The following MGAT5 variants were observed in gnomAD, a reference collection of about 807,000 sequenced individuals.
MGAT5 encodes alpha-1,6-mannosylglycoprotein 6-beta-N-acetylglucosaminyltransferase A.
Under a neutral mutation model 94.3 loss-of-function variants are expected in MGAT5, and 30 were observed. The ratio of observed to expected loss-of-function variants is 0.32; its 90% CI spans 0.24 to 0.43. MGAT5 has a LOEUF of 0.43. MGAT5 is among the 20% of genes least tolerant of loss of function. The pLI is 1.00. For synonymous variants in MGAT5, 310 were observed against 322.9 expected (o/e 0.96, Z 0.43); for missense variants, 691 against 905.5 (o/e 0.76, Z 3.04).
rs117673556 is a variant in MGAT5, at chr2:134,374,679, G to A, written c.1380+12271G>A. ...GGCTGTGCAGCCCTCAGTACTGAAC[G>A]AGTCCATCTGCAGTCAACATAATCA... On this transcript the variant is annotated intron_variant, in intron 10 of 15. Transcript: ENST00000281923. Among the ~76,000 whole-genome samples the A allele has an allele frequency of 2.6e-4, 40 of 152,242 alleles. 1 individual carries two copies. In the East Asian group the frequency reaches 6.6e-3, roughly 25 times the overall value.
intron 1 of MGAT5, among the ~76,000 whole-genome samples, chr2:134,122,818 G>A (rs1375214278): frequency 6.6e-6 from 1 of 152,252 alleles, no homozygotes; most frequent in Non-Finnish European, 1.5e-5. Flanking sequence ...CCACCAGTTG[G>A]TTTTAAGGTG....
intron 1 of MGAT5, among the ~76,000 whole-genome samples, chr2:134,186,629 A>G (rs1689049249): frequency 6.6e-6 from 1 of 152,186 alleles, no homozygotes; most frequent in Non-Finnish European, 1.5e-5. Context: ...TGGGCTTAGC[A>G]GGTGACAGGA....
intron 1 of MGAT5, among the ~76,000 whole-genome samples, chr2:134,130,216 C>T (rs866128186): frequency 5.6e-4 from 74 of 131,738 alleles, no homozygotes; most frequent in South Asian, 4.8e-3. Context: ...CGCCCCACAC[C>T]GCCCCACACC....
At chr2:134,382,188 G>A (rs977793708) in intron 10 of MGAT5, among the ~76,000 whole-genome samples, 7 of 151,856 alleles carry the variant, frequency 4.6e-5, no homozygotes, top group African/African-American at 1.7e-4. Flanking sequence ...CCAGGAGTTT[G>A]AGGCTGTAGT....
chr2:134,334,678 A>G (rs1267882079), intron 4 of MGAT5, among the ~76,000 whole-genome samples: 1 of 151,952 alleles, frequency 6.6e-6, no homozygotes, highest in East Asian at 1.9e-4. Flanking sequence ...CAAGGTACAG[A>G]TGTGCATAAT....
At chr2:134,139,903 G>A (rs1209598472) in intron 1 of MGAT5, among the ~76,000 whole-genome samples, 2 of 152,226 alleles carry the variant, frequency 1.3e-5, no homozygotes, top group Non-Finnish European at 2.9e-5. Flanking sequence ...TTCGAGAACA[G>A]CTTTTAGTTG....
intron 10 of MGAT5, among the ~76,000 whole-genome samples, chr2:134,373,884 G>A (rs1391676844): frequency 6.6e-6 from 1 of 152,214 alleles, no homozygotes; most frequent in East Asian, 1.9e-4. Context: ...AAATCCCTGA[G>A]GTTGCTCCAG....
intron 4 of MGAT5, 112 bp from the exon 5 acceptor site, chr2:134,336,105 G>A (rs955719660): frequency 6.5e-6 from 5 of 770,700 alleles, no homozygotes; most frequent in Non-Finnish European, 1.0e-5. Flanking sequence ...AATAAAAATA[G>A]CACATATTAA....
At chr2:134,164,958 G>A (rs10167538) in intron 1 of MGAT5, among the ~76,000 whole-genome samples, 30,663 of 152,122 alleles carry the variant, frequency 0.2, 7,211 homozygotes, top group African/African-American at 0.57. Flanking sequence ...TAAGGAGGCT[G>A]TGTCCTCCAG....
intron 10 of MGAT5, among the ~76,000 whole-genome samples, chr2:134,393,400 C>G (rs930989330): frequency 6.6e-6 from 1 of 152,192 alleles, no homozygotes; most frequent in Non-Finnish European, 1.5e-5. Flanking sequence ...TTCTGTGAGA[C>G]TGCTGGTAAG....
chr2:134,128,305 G>T (rs1028749470), intron 1 of MGAT5, among the ~76,000 whole-genome samples: 2 of 152,172 alleles, frequency 1.3e-5, no homozygotes, highest in Admixed American at 6.5e-5. Context: ...AGTGATCAGA[G>T]AGCTGCAGGT....
chr2:134,120,207 C>G (rs1168714449), exon 1 of MGAT5: 1 of 305,942 alleles, frequency 3.3e-6, no homozygotes, highest in Non-Finnish European at 6.0e-6. Context: ...GCCGCAGGCT[C>G]GGGGCGTCGC....
chr2:134,226,805 T>C (rs569382298), intron 1 of MGAT5, among the ~76,000 whole-genome samples: 1 of 152,278 alleles, frequency 6.6e-6, no homozygotes, highest in South Asian at 2.1e-4. Flanking sequence ...GGTTTATGGT[T>C]CTTTAGTACA....
intron 10 of MGAT5, among the ~76,000 whole-genome samples, chr2:134,372,628 C>T (rs535374095): frequency 6.6e-6 from 1 of 152,296 alleles, no homozygotes; most frequent in South Asian, 2.1e-4. Context: ...GCAGGCCACT[C>T]ATGGTACAAA....
In MGAT5 at chr2:134,448,915, C is replaced by A; in HGVS notation, c.*68C>A. 2 of 1,508,994 alleles carry A rather than the reference C, an allele frequency of 1.3e-6. No individual in the cohort carries two copies. The highest frequency in any genetic ancestry group is 9.1e-7 in the Non-Finnish European group (1 of 1,104,462). 93.5% of individuals were successfully genotyped at this position (1,508,994 alleles called of 1,614,324 possible). A position where few individuals can be genotyped will look rare whatever the true frequency, so the allele number is the denominator to read the frequency against. Reference sequence around the variant, plus strand: ...GTGGCCCCAGCCCCGTCAGGCAGGGCCAGGGACAGAAGTCATGCAGGGACT... The same window carrying A: ...GTGGCCCCAGCCCCGTCAGGCAGGGACAGGGACAGAAGTCATGCAGGGACT... On this transcript the variant is annotated 3_prime_UTR_variant, in exon 16 of 16. Coordinates refer to ENST00000281923, the MANE Select transcript of MGAT5 (RefSeq NM_002410.5).
At position 134,288,515 on chromosome 2, in the gene MGAT5, T is replaced by C. The variant is rs1348218351; in HGVS notation, c.406+17965T>C. On this transcript the variant is annotated intron_variant, in intron 2 of 15. Coordinates refer to ENST00000281923, the MANE Select transcript of MGAT5 (RefSeq NM_002410.5). Reference sequence around the variant, plus strand: ...CTAGAATATTTACCATCTAGCTCTTTAAAAAAAAAAAAAAAATTCAACCCC... The same window carrying C: ...CTAGAATATTTACCATCTAGCTCTTCAAAAAAAAAAAAAAAATTCAACCCC... 2.1e-5 allele frequency among the ~76,000 whole-genome samples: 3 copies of C among 143,458 alleles called. No individual in the cohort carries two copies. The East Asian group carries it at 6.0e-4, about 29-fold the overall frequency. The allele number at this position is 143,458 out of a possible 152,430, so 94.1% of individuals were successfully genotyped here. A position where few individuals can be genotyped will look rare whatever the true frequency, so the allele number is the denominator to read the frequency against.
intron 1 of MGAT5, among the ~76,000 whole-genome samples, chr2:134,156,176 C>T (rs568547738): frequency 1.3e-3 from 198 of 152,268 alleles, no homozygotes; most frequent in African/African-American, 4.5e-3. Flanking sequence ...CTGCACAGGC[C>T]GCCGGTCTGT....
At chr2:134,152,343 A>G (rs1191422385) in intron 1 of MGAT5, among the ~76,000 whole-genome samples, 2 of 118,940 alleles carry the variant, frequency 1.7e-5, no homozygotes, top group South Asian at 6.3e-4. Context: ...GCCCACCGCC[A>G]TGGGACCTCA....
chr2:134,223,969 G>A (rs1680923096), intron 1 of MGAT5, among the ~76,000 whole-genome samples: 1 of 152,018 alleles, frequency 6.6e-6, no homozygotes, highest in South Asian at 2.1e-4. Flanking sequence ...GAGAACTCAG[G>A]TAAATTTGCT....
Sources: allele counts gnomAD v4.1 joint callset (sites outside exome capture counted in the v4.1 genomes callset), GRCh38; gene constraint gnomAD v4.1.1; transcripts MANE v1.5; gene names NCBI Gene and HGNC (gene_info 2026-07-23, HGNC 2026-07-21).